Variants in GAS7 observed in about 807,000 individuals in gnomAD.
GAS7 encodes the protein growth arrest-specific protein 7.
In GAS7, 28 loss-of-function variants were observed where a neutral mutation model predicts 71.1. The observed-to-expected ratio is 0.39, with a 90% confidence interval of 0.29 to 0.54. The LOEUF (loss-of-function observed/expected upper bound fraction) is 0.54. Ranked by LOEUF, GAS7 falls within the 20% of genes least tolerant of loss-of-function variation. GAS7 has a pLI of 0.62. For missense variants in GAS7, 436 were observed against 627.8 expected (o/e 0.69, Z 3.27); for synonymous variants, 258 against 245.8 (o/e 1.05, Z -0.46).
chr17:10,084,961 T>C (rs1377652476), intron 1 of GAS7, among the ~76,000 whole-genome samples: 3 of 152,088 alleles, frequency 2.0e-5, no homozygotes, highest in African/African-American at 4.8e-5. Flanking sequence ...GCTGATACTT[T>C]AAATTATGGG....
chr17:9,971,311 C>T (rs2069951511), intron 3 of GAS7, among the ~76,000 whole-genome samples: 1 of 152,036 alleles, frequency 6.6e-6, no homozygotes, highest in South Asian at 2.1e-4. Context: ...CCTGTTATCC[C>T]AGCACTTTGG....
intron 2 of GAS7, among the ~76,000 whole-genome samples, chr17:10,016,774 A>C (rs1029183726): frequency 2.0e-5 from 3 of 146,810 alleles, no homozygotes; most frequent in African/African-American, 7.4e-5. Flanking sequence ...AATAATAATA[A>C]TAATAATAAT....
intron 1 of GAS7, among the ~76,000 whole-genome samples, chr17:10,178,019 T>A (rs1026860215): frequency 2.0e-5 from 3 of 151,828 alleles, no homozygotes; most frequent in African/African-American, 7.3e-5. Flanking sequence ...TGTCAGCATT[T>A]AGCATCACAT....
intron 1 of GAS7, among the ~76,000 whole-genome samples, chr17:10,177,015 C>T (rs1026510547): frequency 1.3e-5 from 2 of 152,140 alleles, no homozygotes; most frequent in African/African-American, 4.8e-5. Context: ...AGAGTAGTTA[C>T]AAAAGTTTAG....
chr17:9,946,752 A>G, intron 6 of GAS7, 142 bp downstream of exon 6: 1 of 579,458 alleles, frequency 1.7e-6, no homozygotes, highest in Non-Finnish European at 3.1e-6. Flanking sequence ...TTCCTGTCAC[A>G]GATGCAAACT....
intron 1 of GAS7, among the ~76,000 whole-genome samples, chr17:10,107,333 G>T (rs139513959): frequency 0.013 from 1,994 of 151,700 alleles, 20 homozygotes; most frequent in Non-Finnish European, 0.018. Context: ...AGGTTCAAGA[G>T]GCCAAAGACG....
chr17:9,940,004 C>T, intron 8 of GAS7, 122 bp downstream of exon 8: 1 of 749,322 alleles, frequency 1.3e-6, no homozygotes, highest in Non-Finnish European at 2.5e-6. Flanking sequence ...CACCTTGAGC[C>T]AGGCCTATGG....
chr17:10,179,391 T>C (rs1248378120), intron 1 of GAS7, among the ~76,000 whole-genome samples: 1 of 152,060 alleles, frequency 6.6e-6, no homozygotes, highest in Non-Finnish European at 1.5e-5. Flanking sequence ...TATTTTCCCT[T>C]ATACCAAGCA....
At chr17:10,010,250 C>T (rs1001494821) in intron 2 of GAS7, among the ~76,000 whole-genome samples, 7 of 151,880 alleles carry the variant, frequency 4.6e-5, no homozygotes, top group African/African-American at 7.3e-5. Flanking sequence ...CCTGGGTTCA[C>T]GCCATTCTCC....
At chr17:10,013,233 C>A (rs1409933929) in intron 2 of GAS7, among the ~76,000 whole-genome samples, 1 of 152,166 alleles carries the variant, frequency 6.6e-6, no homozygotes, top group Non-Finnish European at 1.5e-5. Flanking sequence ...TCTGCCAGCA[C>A]CTTGATCCTG....
intron 1 of GAS7, among the ~76,000 whole-genome samples, chr17:10,085,465 C>T (rs555631305): frequency 2.0e-5 from 3 of 152,158 alleles, no homozygotes; most frequent in South Asian, 2.1e-4. Context: ...GGGCGGATCA[C>T]GAGGTCAGGA....
At chr17:10,124,287 G>T (rs2073927851) in intron 1 of GAS7, among the ~76,000 whole-genome samples, 1 of 152,206 alleles carries the variant, frequency 6.6e-6, no homozygotes. Flanking sequence ...CCCTCACTCT[G>T]CAAGACTTGA....
At position 10,034,056 on chromosome 17, in the gene GAS7, T is replaced by G. The variant is rs1176877006; in HGVS notation, c.184-14159A>C. 7 of 928,830 alleles carry G rather than the reference T, an allele frequency of 7.5e-6. No individual in the cohort carries two copies. Among genetic ancestry groups the G allele is most frequent in the Non-Finnish European group, 9.0e-6 (7 of 778,498 alleles). The allele number at this position is 928,830 out of a possible 1,614,324, so 57.5% of individuals were successfully genotyped here. ...CTGGAGCTGCTGCCGCTGGCACATA[T>G]AAAGTAGGCAAATGGTGACAGCCAA... On this transcript the variant is annotated intron_variant, in intron 1 of 13. Transcript: ENST00000432992. This position sits in a 1 kb window ranked among gnomAD's most constrained non-coding sequence, Gnocchi z 4.4.
intron 1 of GAS7, chr17:10,039,807 C>G: frequency 2.2e-6 from 1 of 452,832 alleles, no homozygotes; most frequent in Non-Finnish European, 4.4e-6. Context: ...TAATGTCAAT[C>G]GAGGGATTTT....
intron 8 of GAS7, among the ~76,000 whole-genome samples, chr17:9,935,784 A>G (rs1384279862): frequency 1.2e-4 from 19 of 152,160 alleles, no homozygotes; most frequent in Non-Finnish European, 5.9e-5. Context: ...GCCACCAGAG[A>G]AGCACTGGAG....
intron 1 of GAS7, among the ~76,000 whole-genome samples, chr17:10,035,035 C>T (rs67946815): frequency 0.32 from 48,533 of 151,780 alleles, 8,175 homozygotes; most frequent in African/African-American, 0.42. Flanking sequence ...TAACACACAG[C>T]CCACTTCAGC....
intron 1 of GAS7, among the ~76,000 whole-genome samples, chr17:10,186,702 G>A (rs7503909): frequency 0.18 from 26,788 of 151,978 alleles, 2,672 homozygotes; most frequent in Middle Eastern, 0.26. Context: ...CACCGTGCCC[G>A]GCCCAAAGCC....
intron 2 of GAS7, among the ~76,000 whole-genome samples, chr17:10,010,305 C>T (rs1597679241): frequency 1.3e-5 from 2 of 152,074 alleles, no homozygotes; most frequent in South Asian, 2.1e-4. Flanking sequence ...CACCCGCCAC[C>T]ACGCCGGGCT....
intron 1 of GAS7, among the ~76,000 whole-genome samples, chr17:10,041,267 G>A (rs2072863945): frequency 6.6e-6 from 1 of 152,054 alleles, no homozygotes; most frequent in Non-Finnish European, 1.5e-5. Flanking sequence ...AAATGGCCAT[G>A]AAAGCTTTCA....
Sources: allele counts gnomAD v4.1 joint callset (sites outside exome capture counted in the v4.1 genomes callset), GRCh38; gene constraint gnomAD v4.1.1; non-coding constraint Gnocchi (gnomAD v3.1); transcripts MANE v1.5; gene names NCBI Gene and HGNC (gene_info 2026-07-23, HGNC 2026-07-21).